Variants in COL16A1 observed in about 807,000 individuals in gnomAD.
The protein encoded by COL16A1 is collagen type XVI alpha 1 chain.
COL16A1 carries 189 observed loss-of-function variants against 266.3 expected under a neutral mutation model. The ratio of observed to expected loss-of-function variants is 0.71; its 90% CI spans 0.63 to 0.80. The LOEUF (loss-of-function observed/expected upper bound fraction) is 0.80, where lower values mean the gene tolerates loss of function less well. Among genes scored for constraint, COL16A1 ranks in the 30% least tolerant of loss-of-function variants. The probability of loss-of-function intolerance (pLI) is 0.00; values close to 1 mark genes in which losing one functional copy is unlikely to be tolerated. For synonymous variants in COL16A1, 740 were observed against 782.3 expected (o/e 0.95, Z 0.90); for missense variants, 1,928 against 2,122.4 (o/e 0.91, Z 1.80).
intron 17 of COL16A1, 75 bp downstream of exon 17, chr1:31,691,930 T>C (rs2297676): frequency 0.47 from 754,176 of 1,603,992 alleles, 186,167 homozygotes; most frequent in Non-Finnish European, 0.52. Context: ...GGGGGCTGGA[T>C]TCCCGAAGGT....
intron 51 of COL16A1, among the ~76,000 whole-genome samples, chr1:31,667,868 G>A (rs1044154125): frequency 1.3e-5 from 2 of 152,096 alleles, no homozygotes; most frequent in Non-Finnish European, 2.9e-5. Context: ...CCTCTAAGCT[G>A]TCTCTCCAAT....
intron 66 of COL16A1, chr1:31,655,945 T>TCCGCAGC (rs1276650676): frequency 3.3e-6 from 1 of 303,770 alleles, no homozygotes; most frequent in African/African-American, 2.2e-5. Context: ...TCCTGTTCTC[T>TCCGCAGC]CTGCAGCCTC....
chr1:31,692,356 C>A, intron 16 of COL16A1, 118 bp downstream of exon 16: 1 of 1,452,950 alleles, frequency 6.9e-7, no homozygotes, highest in African/African-American at 1.4e-5. Flanking sequence ...AGGGAGGGTC[C>A]TGCCAGCTCT....
intron 49 of COL16A1, among the ~76,000 whole-genome samples, chr1:31,669,427 T>C (rs1245475537): frequency 6.6e-6 from 1 of 151,924 alleles, no homozygotes; most frequent in Non-Finnish European, 1.5e-5. Context: ...GGCATGTCAC[T>C]TTCCACGAGA....
At chr1:31,654,764 C>A in intron 68 of COL16A1, 28 bp downstream of exon 68, 1 of 1,613,874 alleles carries the variant, frequency 6.2e-7, no homozygotes, top group South Asian at 1.1e-5. Context: ...AGACAGCACC[C>A]ACTGCCACCC....
chr1:31,671,741 T>A (rs1474855751), intron 47 of COL16A1, 82 bp from the exon 48 acceptor site: 2 of 1,575,656 alleles, frequency 1.3e-6, no homozygotes, highest in Non-Finnish European at 1.7e-6. Flanking sequence ...TCCTCCCAGC[T>A]TGCCAGGGCC....
In COL16A1 at chr1:31,652,391, C is replaced by T. The variant is rs1156577370; in HGVS notation, c.*260G>A. 3.2e-6 allele frequency: 1 copy of T among 312,904 alleles called. No individual in the cohort carries two copies. The highest frequency in any genetic ancestry group is 6.1e-5 in the East Asian group (1 of 16,480). 19.4% of individuals were successfully genotyped at this position (312,904 alleles called of 1,614,324 possible). On this transcript the variant is annotated 3_prime_UTR_variant, in exon 71 of 71. Transcript: ENST00000373672. The surrounding 1 kb of genome is among the most constrained non-coding windows in gnomAD (Gnocchi z 4.8). The stretch of plus-strand genomic sequence containing the variant: ...ATAGCTAGGATTACAGGTATATGCC[C>T]CTGTACCCAAAATGCCCTTTTTTGT...
rs1411693194 is a variant in COL16A1, at chr1:31,704,015, A to G, written c.-213T>C. 1 of 152,334 alleles carries G rather than the reference A, an allele frequency of 6.6e-6. No individual in the cohort carries two copies. Among genetic ancestry groups the G allele is most frequent in the East Asian group, 1.9e-4 (1 of 5,186 alleles). The allele number at this position is 152,334 out of a possible 1,614,324, so 9.4% of individuals were successfully genotyped here. A position where few individuals can be genotyped will look rare whatever the true frequency, so the allele number is the denominator to read the frequency against. ...GCTGCCCGGCGCACGCCTGCCGGGG[A>G]CTGCCGGCCACTCCGGGTGGGGGAA... On this transcript the variant is annotated 5_prime_UTR_variant, in exon 1 of 71. Transcript: ENST00000373672.
Position 31,670,578 on chromosome 1 carries a change from G to A in COL16A1, c.3195+24C>T. On this transcript the variant is annotated intron_variant, in intron 49 of 70. Coordinates refer to ENST00000373672, the MANE Select transcript of COL16A1 (RefSeq NM_001856.4). This position sits in a 1 kb window ranked among gnomAD's most constrained non-coding sequence, Gnocchi z 4.5. The stretch of plus-strand genomic sequence containing the variant: ...GACCTGGCTGACGGGGGGGAGGGGA[G>A]GTCGAGCAGCGCTAGGTTCTTACAG... The A allele has an allele frequency of 1.5e-6, 2 of 1,370,218 alleles. No individual in the cohort carries two copies. The highest frequency in any genetic ancestry group is 1.9e-6 in the Non-Finnish European group (2 of 1,057,706). 84.9% of individuals were successfully genotyped at this position (1,370,218 alleles called of 1,614,324 possible). A position where few individuals can be genotyped will look rare whatever the true frequency, so the allele number is the denominator to read the frequency against.
At chr1:31,703,072 A>C (rs549838353) in intron 1 of COL16A1, among the ~76,000 whole-genome samples, 21 of 152,192 alleles carry the variant, frequency 1.4e-4, no homozygotes, top group Non-Finnish European at 3.1e-4. Flanking sequence ...GTACATGTAC[A>C]TAAGGACACA....
chr1:31,677,251 A>C (rs1570465177), intron 42 of COL16A1, among the ~76,000 whole-genome samples: 2 of 152,142 alleles, frequency 1.3e-5, no homozygotes, highest in South Asian at 4.1e-4. Context: ...AAACCCGGTT[A>C]ATTCTTTTTG....
intron 49 of COL16A1, among the ~76,000 whole-genome samples, chr1:31,669,484 C>A (rs893153181): frequency 6.6e-6 from 1 of 152,082 alleles, no homozygotes; most frequent in Non-Finnish European, 1.5e-5. Flanking sequence ...TTGCAGGTGC[C>A]ATGCCATTAA....
At position 31,663,820 on chromosome 1, in the gene COL16A1, C is replaced by T. The variant is rs1415940776; in HGVS notation, c.3556-1162G>A. Among the ~76,000 whole-genome samples the T allele has an allele frequency of 2.0e-5, 3 of 152,136 alleles. No individual in the cohort carries two copies. Among genetic ancestry groups the T allele is most frequent in the Non-Finnish European group, 4.4e-5 (3 of 68,020 alleles). ...AGCAGAAGAGTGATGAGAACTGATG[C>T]ATGGATTGGAATGTTTACCAGAAAA... is the stretch of plus-strand genomic sequence containing the variant. On this transcript the variant is annotated intron_variant, in intron 56 of 70. Coordinates refer to ENST00000373672, the MANE Select transcript of COL16A1 (RefSeq NM_001856.4). This position sits in a 1 kb window ranked among gnomAD's most constrained non-coding sequence, Gnocchi z 4.9.
chr1:31,657,421 G>A lies in COL16A1; in HGVS notation c.4021-353C>T, dbSNP rs893283387. 2.4e-5 allele frequency: 6 copies of A among 253,408 alleles called. No homozygotes were observed. Among genetic ancestry groups the A allele is most frequent in the Admixed American group, 5.2e-5 (1 of 19,164 alleles). The allele number at this position is 253,408 out of a possible 1,614,324, so 15.7% of individuals were successfully genotyped here. A position where few individuals can be genotyped will look rare whatever the true frequency, so the allele number is the denominator to read the frequency against. ...AATGAACACATGAACAGCCTGAGCC[G>A]GCCCCCTCCCTGAGACCAGCAAGGC... On this transcript the variant is annotated intron_variant, in intron 64 of 70. Coordinates refer to ENST00000373672, the MANE Select transcript of COL16A1 (RefSeq NM_001856.4). The surrounding 1 kb of genome is among the most constrained non-coding windows in gnomAD (Gnocchi z 6.4).
At position 31,697,266 on chromosome 1, in the gene COL16A1, G is replaced by C. The variant is rs771977028; in HGVS notation, c.692C>G (p.Pro231Arg). 1 of 1,612,132 alleles carries C rather than the reference G, an allele frequency of 6.2e-7. No individual in the cohort carries two copies. Among genetic ancestry groups the C allele is most frequent in the Admixed American group, 1.7e-5 (1 of 59,838 alleles). ...GCAGCCCTCCTCCAGCACGAGCTCC[G>C]GGTCACAGTAGATGTGCACCTGCTG... Reference protein sequence around the residue: ...DLQQVHIYCDPELVLEEGCCE... With the variant: ...DLQQVHIYCDRELVLEEGCCE... The change falls in exon 7 of 71, where the codon CCG (proline) becomes CGG (arginine). Residue 231 changes from proline to arginine, a missense_variant. By Grantham distance (103) the Pro-to-Arg change is moderately radical (BLOSUM62 -2). This residue lies in a region of COL16A1 where 1,552 missense variants were observed against 1,637.2 expected (regional missense o/e 0.95). Coordinates refer to ENST00000373672, the MANE Select transcript of COL16A1 (RefSeq NM_001856.4). The surrounding 1 kb of genome is among the most constrained non-coding windows in gnomAD (Gnocchi z 4.2).
intron 1 of COL16A1, among the ~76,000 whole-genome samples, chr1:31,702,623 T>G (rs901082550): frequency 3.3e-5 from 5 of 152,122 alleles, no homozygotes; most frequent in African/African-American, 4.8e-5. Flanking sequence ...TCAAGACACG[T>G]GGAAGTATTT....
At chr1:31,692,218 A>G in intron 16 of COL16A1, 151 bp from the exon 17 acceptor site, 2 of 1,293,168 alleles carry the variant, frequency 1.5e-6, no homozygotes, top group Non-Finnish European at 2.2e-6. Flanking sequence ...GAGGGTAGAC[A>G]ACAGACCAGA....
chr1:31,692,250 C>T (rs1218281049), intron 16 of COL16A1, among the ~76,000 whole-genome samples, 183 bp from the exon 17 acceptor site: 1 of 151,936 alleles, frequency 6.6e-6, no homozygotes, highest in South Asian at 2.1e-4. Context: ...ACTTCCAAAC[C>T]AGCCAGGCCA....
At chr1:31,679,184 T>C (rs912281503) in intron 42 of COL16A1, 25 of 484,368 alleles carry the variant, frequency 5.2e-5, no homozygotes, top group Non-Finnish European at 9.1e-5. Context: ...ATCTTGCTTA[T>C]TGTCTGTCTC....
Sources: allele counts gnomAD v4.1 joint callset (sites outside exome capture counted in the v4.1 genomes callset), GRCh38; gene constraint gnomAD v4.1.1; regional missense constraint gnomAD v4.1.1; non-coding constraint Gnocchi (gnomAD v3.1); transcripts MANE v1.5; gene names NCBI Gene and HGNC (gene_info 2026-07-23, HGNC 2026-07-21).